ZNF469: variants seen among roughly 807,000 people sequenced by gnomAD.
ZNF469 encodes the protein zinc finger protein 469.
In ZNF469, 1 loss-of-function variant was observed where a neutral mutation model predicts 1.0. The ratio of observed to expected loss-of-function variants is 1.00; its 90% CI spans 0.35 to 4.73. The LOEUF is 4.73. ZNF469 is among the 30% of genes most tolerant of loss of function. The pLI, the probability that ZNF469 is intolerant of heterozygous loss-of-function variation, is 0.16. For missense variants in ZNF469, 6,100 were observed against 5,356.3 expected (o/e 1.14, Z -4.33); for synonymous variants, 2,703 against 2,363.4 (o/e 1.14, Z -4.17).
At chr16:88,404,882 A>T (rs920633683) in intron 1 of ZNF469, among the ~76,000 whole-genome samples, 3 of 152,216 alleles carry the variant, frequency 2.0e-5, no homozygotes, top group Non-Finnish European at 4.4e-5. Context: ...GACACTTTTC[A>T]GCTTCAGGAG....
the ZNF469 span, among the ~76,000 whole-genome samples, chr16:88,365,579 G>A: frequency 5.9e-5 from 9 of 152,316 alleles, no homozygotes; most frequent in African/African-American, 1.4e-4. Context: ...AGAAGCCCTC[G>A]GCTGTGCCTG....
the ZNF469 span, among the ~76,000 whole-genome samples, chr16:88,213,804 C>T: frequency 6.6e-6 from 1 of 152,256 alleles, no homozygotes; most frequent in African/African-American, 2.4e-5. Flanking sequence ...TCAGTCTCCT[C>T]TTCTGTTTTC....
In ZNF469 at chr16:88,439,547, C is replaced by T. The variant is rs576310853; in HGVS notation, c.*215C>T. 15 of 607,884 alleles carry T rather than the reference C, an allele frequency of 2.5e-5. No individual in the cohort carries two copies. The highest frequency in any genetic ancestry group is 4.4e-4 in the Middle Eastern group (1 of 2,254). 37.7% of individuals were successfully genotyped at this position (607,884 alleles called of 1,614,324 possible). On this transcript the variant is annotated 3_prime_UTR_variant, in exon 3 of 3. Transcript: ENST00000565624. ...TTGCTGGAAGGCTGGGGGTGAAAGA[C>T]GGGGCCACTGCAGCCCTTTTGAGAC...
the ZNF469 span, among the ~76,000 whole-genome samples, chr16:88,151,071 G>A: frequency 4.6e-5 from 7 of 152,380 alleles, no homozygotes; most frequent in African/African-American, 9.6e-5. This position sits in a 1 kb window ranked among gnomAD's most constrained non-coding sequence, Gnocchi z 5.4. Context: ...GCCAGCACCC[G>A]TCCAGGTGAA....
intron 1 of ZNF469, among the ~76,000 whole-genome samples, chr16:88,393,944 T>C (rs1904567996): frequency 6.6e-6 from 1 of 152,210 alleles, no homozygotes. Context: ...ATGCTACACC[T>C]CTGCTGTCCG....
chr16:88,221,441 G>C, the ZNF469 span, among the ~76,000 whole-genome samples: 692 of 152,318 alleles, frequency 4.5e-3, 7 homozygotes, highest in African/African-American at 0.016. Flanking sequence ...GCAGCTCCCC[G>C]AGGAGGTTGT....
the ZNF469 span, among the ~76,000 whole-genome samples, chr16:88,191,982 A>G: frequency 5.3e-5 from 8 of 152,270 alleles, no homozygotes; most frequent in East Asian, 3.9e-4. Flanking sequence ...GAGGGTGATT[A>G]AGTTTAGATG....
the ZNF469 span, among the ~76,000 whole-genome samples, chr16:88,324,953 G>A: frequency 1.3e-5 from 2 of 152,176 alleles, no homozygotes; most frequent in Non-Finnish European, 2.9e-5. Context: ...CTTCTGGGGA[G>A]GCCTCAGGAA....
chr16:88,397,603 TGATGGATGGATGGATGGGTGGATG>T (rs749330891), intron 1 of ZNF469, among the ~76,000 whole-genome samples: 2 of 147,764 alleles, frequency 1.4e-5, no homozygotes, highest in African/African-American at 5.0e-5. Context: ...TATATATGTG[TGATGGATGGATGGATGGGTGGATG>T]GATGGATGGA....
the ZNF469 span, among the ~76,000 whole-genome samples, chr16:88,165,786 C>T: frequency 6.6e-6 from 1 of 152,162 alleles, no homozygotes; most frequent in African/African-American, 2.4e-5. Context: ...CCCCGCTTTC[C>T]CTGCCCCAGC....
the ZNF469 span, among the ~76,000 whole-genome samples, chr16:88,347,186 C>T: frequency 1.3e-5 from 2 of 152,156 alleles, no homozygotes; most frequent in Non-Finnish European, 2.9e-5. Flanking sequence ...GGACCCACAC[C>T]TATGAGGCAA....
the ZNF469 span, among the ~76,000 whole-genome samples, chr16:88,181,512 T>C: frequency 6.6e-6 from 1 of 152,228 alleles, no homozygotes; most frequent in African/African-American, 2.4e-5. Context: ...CAGAAATTAA[T>C]AGTATGTCTC....
Position 88,424,451 on chromosome 16 carries a change from G to A in ZNF469, c.-191-356G>A, listed in dbSNP as rs1905613623. On this transcript the variant is annotated intron_variant, in intron 1 of 2. Coordinates refer to ENST00000565624, the MANE Select transcript of ZNF469 (RefSeq NM_001367624.2). The surrounding 1 kb of genome is among the most constrained non-coding windows in gnomAD (Gnocchi z 4.3). ...GGGAGGGATCCTGGCAGGGATGGGA[G>A]GGGCAGCGTTCTCACTGCAACTCGT... Among the ~76,000 whole-genome samples the A allele has an allele frequency of 6.6e-6, 1 of 152,188 alleles. No individual in the cohort carries two copies. The highest frequency in any genetic ancestry group is 2.4e-5 in the African/African-American group (1 of 41,440).
the ZNF469 span, among the ~76,000 whole-genome samples, chr16:88,296,267 T>G: frequency 6.6e-6 from 1 of 152,182 alleles, no homozygotes; most frequent in Non-Finnish European, 1.5e-5. Context: ...GGATCCCAGC[T>G]TCTGTCCCCA....
chr16:88,116,361 G>T, the ZNF469 span, among the ~76,000 whole-genome samples: 1 of 152,092 alleles, frequency 6.6e-6, no homozygotes, highest in Non-Finnish European at 1.5e-5. Context: ...CAGCGATGCC[G>T]CAATGCCGCA....
the ZNF469 span, among the ~76,000 whole-genome samples, chr16:88,159,553 GA>G: frequency 2.0e-5 from 3 of 152,186 alleles, no homozygotes; most frequent in African/African-American, 7.2e-5. Flanking sequence ...CGTACGGAGA[GA>G]GGGGTGGGAA....
the ZNF469 span, among the ~76,000 whole-genome samples, chr16:88,195,541 A>G: frequency 6.6e-6 from 1 of 152,130 alleles, no homozygotes; most frequent in Non-Finnish European, 1.5e-5. Context: ...TGGCCAAGAG[A>G]CAAGGTTGCA....
In ZNF469 at chr16:88,439,379, G is replaced by A. The variant is rs749518886; in HGVS notation, c.*47G>A. The A allele has an allele frequency of 1.6e-5, 25 of 1,545,954 alleles. No homozygotes were observed. The highest frequency in any genetic ancestry group is 1.7e-4 in the Middle Eastern group (1 of 5,872). On this transcript the variant is annotated 3_prime_UTR_variant, in exon 3 of 3. Transcript: ENST00000565624. ...GACCGGAGCTGGGCGTTCCTGTCTC[G>A]GCCTGCCTCCTTGGCCAGCTCCGGC...
At chr16:88,220,268 G>A in the ZNF469 span, among the ~76,000 whole-genome samples, 1 of 152,156 alleles carries the variant, frequency 6.6e-6, no homozygotes, top group African/African-American at 2.4e-5. Context: ...TTGTGTGAAC[G>A]CATCCTTCAG....
Sources: allele counts gnomAD v4.1 joint callset (sites outside exome capture counted in the v4.1 genomes callset), GRCh38; gene constraint gnomAD v4.1.1; non-coding constraint Gnocchi (gnomAD v3.1); transcripts MANE v1.5; gene names NCBI Gene and HGNC (gene_info 2026-07-23, HGNC 2026-07-21).